The following NTNG2 variants were observed in gnomAD, a reference collection of about 807,000 sequenced individuals.
NTNG2 encodes netrin G2, also known as netrin-G2.
In NTNG2, 15 loss-of-function variants were observed where a neutral mutation model predicts 47.6. The observed-to-expected ratio is 0.32, with a 90% CI of 0.21 to 0.49. NTNG2 has a LOEUF of 0.49. NTNG2 is among the 20% of genes least tolerant of loss of function. The pLI is 0.99. For synonymous variants in NTNG2, 307 were observed against 324.6 expected (o/e 0.95, Z 0.58); for missense variants, 578 against 764.6 (o/e 0.76, Z 2.88).
chr9:132,189,139 C>T (rs1485151810), intron 2 of NTNG2, among the ~76,000 whole-genome samples: 1 of 126,412 alleles, frequency 7.9e-6, no homozygotes, highest in Non-Finnish European at 1.6e-5. Context: ...TGCAGTGGCA[C>T]AGTTACGGCT....
Position 132,180,712 on chromosome 9 carries a change from G to C in NTNG2, c.213+13668G>C, listed in dbSNP as rs751585848. Reference sequence around the variant, plus strand: ...GGAGAGAGAGAGAAAGAGAAAGAACGATAGAGAGATGCAATAACCTCCCAG... The same window carrying C: ...GGAGAGAGAGAGAAAGAGAAAGAACCATAGAGAGATGCAATAACCTCCCAG... On this transcript the variant is annotated intron_variant, in intron 2 of 7. Coordinates refer to ENST00000393229, the MANE Select transcript of NTNG2 (RefSeq NM_032536.4). This position sits in a 1 kb window ranked among gnomAD's most constrained non-coding sequence, Gnocchi z 4.2. 2.8e-4 allele frequency among the ~76,000 whole-genome samples: 42 copies of C among 152,314 alleles called. No homozygotes were observed. Among genetic ancestry groups the C allele is most frequent in the Non-Finnish European group, 4.4e-5 (3 of 68,024 alleles).
rs1246757627 is a variant in NTNG2, at chr9:132,208,257, C to G, written c.857+9648C>G. Among the ~76,000 whole-genome samples, 2 of 152,032 alleles carry G rather than the reference C, an allele frequency of 1.3e-5. No homozygotes were observed. The highest frequency in any genetic ancestry group is 2.9e-5 in the Non-Finnish European group (2 of 68,018). Reference sequence around the variant, plus strand: ...TGTGGCAGGGGGACAGCAGGCAGGACAGGTGCAGTGCCTTCTAAGGACTCA... The same window carrying G: ...TGTGGCAGGGGGACAGCAGGCAGGAGAGGTGCAGTGCCTTCTAAGGACTCA... On this transcript the variant is annotated intron_variant, in intron 3 of 7. Coordinates refer to ENST00000393229, the MANE Select transcript of NTNG2 (RefSeq NM_032536.4). The surrounding 1 kb of genome is among the most constrained non-coding windows in gnomAD (Gnocchi z 4.0).
rs138072540 is a variant in NTNG2 at position 132,174,417 on chromosome 9, A to G, written c.213+7373A>G. On this transcript the variant is annotated intron_variant, in intron 2 of 7. Transcript: ENST00000393229. ...AGGCCGCACCATGCTGCGGATGAGAACTTGGGCTTCTGGAGGGAGGAGATG... is the reference window on the plus strand; with the variant it reads ...AGGCCGCACCATGCTGCGGATGAGAGCTTGGGCTTCTGGAGGGAGGAGATG... 8.8e-3 allele frequency among the ~76,000 whole-genome samples: 1,344 copies of G among 152,214 alleles called. 9 individuals are homozygous for G. The highest frequency in any genetic ancestry group is 0.014 in the Admixed American group (220 of 15,292).
In NTNG2 at chr9:132,194,480, G is replaced by C. The variant is rs539242574; in HGVS notation, c.214-3486G>C. On this transcript the variant is annotated intron_variant, in intron 2 of 7. Coordinates refer to ENST00000393229, the MANE Select transcript of NTNG2 (RefSeq NM_032536.4). ...GGGTGTGTCTTGCCCAGAGTCACCCGGCCAGTGAGTGAGGAAGCTGGGAAC... is the reference window on the plus strand; with the variant it reads ...GGGTGTGTCTTGCCCAGAGTCACCCCGCCAGTGAGTGAGGAAGCTGGGAAC... Among the ~76,000 whole-genome samples the C allele has an allele frequency of 8.5e-5, 13 of 152,304 alleles. 1 individual carries two copies. The East Asian group carries it at 2.5e-3, about 29-fold the overall frequency.
At chr9:132,167,814 G>A (rs1835607169) in intron 2 of NTNG2, among the ~76,000 whole-genome samples, 1 of 152,198 alleles carries the variant, frequency 6.6e-6, no homozygotes, top group South Asian at 2.1e-4. Flanking sequence ...AGCTGTCTGA[G>A]TGTGTGGGCC....
intron 2 of NTNG2, among the ~76,000 whole-genome samples, chr9:132,167,314 TC>T (rs1387832208): frequency 1.3e-5 from 2 of 152,208 alleles, no homozygotes; most frequent in Admixed American, 1.3e-4. Context: ...TTCAGTTCCC[TC>T]GGGAAGCCTA....
chr9:132,230,574 G>C lies in NTNG2; in HGVS notation c.1033G>C (p.Ala345Pro). ...PLPHGSPNAC[A>P]TAGSFGNCEC... ...TCACGCCCGTCTCTCTCCCACAGGTGCCACTGCAGGTTCCTTTGGCAGTAA... is the reference window on the plus strand; with the variant it reads ...TCACGCCCGTCTCTCTCCCACAGGTCCCACTGCAGGTTCCTTTGGCAGTAA... Residue 345 changes from alanine to proline, a missense_variant and splice_region_variant, in exon 5 of 8, where the codon GCC becomes CCC. Transcript: ENST00000393229. 1 of 1,604,682 alleles carries C rather than the reference G, an allele frequency of 6.2e-7. No homozygotes were observed. Among genetic ancestry groups the C allele is most frequent in the Non-Finnish European group, 8.5e-7 (1 of 1,175,558 alleles).
rs1051109590 is a variant in NTNG2 at position 132,198,524 on chromosome 9, C to A, written c.772C>A (p.Arg258Ser). The change falls in exon 3 of 8, where the codon CGC becomes AGC. Residue 258 changes from arginine (R) to serine (S), a missense_variant. Transcript: ENST00000393229. Reference sequence around the variant, plus strand: ...CACCGACCTGCGCATGCGGCTGCTGCGCCCGGCGCTGGGCGGCACCTATGT... The same window carrying A: ...CACCGACCTGCGCATGCGGCTGCTGAGCCCGGCGCTGGGCGGCACCTATGT... ...TLTDLRMRLLRPALGGTYVQR... is the reference protein window; with the variant it reads ...TLTDLRMRLLSPALGGTYVQR... The A allele has an allele frequency of 6.2e-7, 1 of 1,612,970 alleles. No individual in the cohort carries two copies. The highest frequency in any genetic ancestry group is 1.7e-5 in the Admixed American group (1 of 60,004).
intron 2 of NTNG2, among the ~76,000 whole-genome samples, chr9:132,174,401 C>T (rs903382492): frequency 1.3e-5 from 2 of 152,126 alleles, no homozygotes; most frequent in African/African-American, 4.8e-5. Context: ...CAGGCCGCAC[C>T]ATGCTGCGGA....
chr9:132,198,671 C>A (rs939973973), intron 3 of NTNG2, 62 bp downstream of exon 3: 1 of 1,517,648 alleles, frequency 6.6e-7, no homozygotes, highest in African/African-American at 1.4e-5. Flanking sequence ...TTACCTGGGA[C>A]GTTATTGGAT....
chr9:132,227,051 C>T, intron 4 of NTNG2, 30 bp downstream of exon 4: 1 of 1,564,388 alleles, frequency 6.4e-7, no homozygotes, highest in East Asian at 2.3e-5. Context: ...GCCACGAGCC[C>T]ACATGGCTAT....
At chr9:132,183,770 G>A (rs1466516759) in intron 2 of NTNG2, among the ~76,000 whole-genome samples, 2 of 152,142 alleles carry the variant, frequency 1.3e-5, no homozygotes, top group Non-Finnish European at 1.5e-5. Context: ...CCCTTCCCTG[G>A]ACCACCTGGA....
At chr9:132,171,103 C>T (rs1305241670) in intron 2 of NTNG2, among the ~76,000 whole-genome samples, 1 of 152,078 alleles carries the variant, frequency 6.6e-6, no homozygotes, top group African/African-American at 2.4e-5. Context: ...CTTGCCAAGG[C>T]GGGGGGTCTG....
chr9:132,198,724 G>A (rs1161352853), intron 3 of NTNG2, 115 bp downstream of exon 3: 3 of 1,134,764 alleles, frequency 2.6e-6, no homozygotes, highest in Non-Finnish European at 3.7e-6. Flanking sequence ...CCGGGTTCTT[G>A]GGATGTTACC....
chr9:132,190,676 T>C (rs947083026), intron 2 of NTNG2, among the ~76,000 whole-genome samples: 33 of 152,236 alleles, frequency 2.2e-4, no homozygotes, highest in African/African-American at 7.5e-4. Context: ...GCCTCTGACT[T>C]TGACTGTACC....
At chr9:132,241,210 C>A (rs576187039) in intron 7 of NTNG2, among the ~76,000 whole-genome samples, 166 bp downstream of exon 7, 4 of 76,288 alleles carry the variant, frequency 5.2e-5, no homozygotes, top group African/African-American at 2.1e-4. Flanking sequence ...GGGGAAGAGG[C>A]GGTGGGCGGG....
chr9:132,190,399 A>G (rs898210895), intron 2 of NTNG2, among the ~76,000 whole-genome samples: 10 of 152,040 alleles, frequency 6.6e-5, no homozygotes, highest in African/African-American at 2.4e-4. Context: ...CCTGCCCGGG[A>G]CACCCTGGCG....
rs1435039424 is a variant in NTNG2, at chr9:132,212,877, G to A, written c.858-13972G>A. On this transcript the variant is annotated intron_variant, in intron 3 of 7. Transcript: ENST00000393229. Reference sequence around the variant, plus strand: ...CTCCTGACCATTTGTTTCTTCTCTGGCTGCTGCCCATCTCCCCACACTGCT... The same window carrying A: ...CTCCTGACCATTTGTTTCTTCTCTGACTGCTGCCCATCTCCCCACACTGCT... Among the ~76,000 whole-genome samples the A allele has an allele frequency of 2.6e-5, 4 of 152,050 alleles. No homozygotes were observed. The East Asian group carries it at 5.8e-4, about 22-fold the overall frequency.
At chr9:132,195,391 C>T (rs1334283064) in intron 2 of NTNG2, among the ~76,000 whole-genome samples, 3 of 152,006 alleles carry the variant, frequency 2.0e-5, no homozygotes, top group African/African-American at 7.3e-5. Flanking sequence ...TTACTGCAAG[C>T]TCCTCCTCCC....
Sources: allele counts gnomAD v4.1 joint callset (sites outside exome capture counted in the v4.1 genomes callset), GRCh38; gene constraint gnomAD v4.1.1; non-coding constraint Gnocchi (gnomAD v3.1); transcripts MANE v1.5; gene names NCBI Gene and HGNC (gene_info 2026-07-23, HGNC 2026-07-21).